ELN: variants seen among roughly 807,000 people sequenced by gnomAD.
ELN encodes tropoelastin.
ELN carries 65 observed loss-of-function variants against 105.8 expected under a neutral mutation model. The observed-to-expected ratio is 0.61, with a 90% CI of 0.50 to 0.75. ELN has a LOEUF of 0.75. Among genes scored for constraint, ELN ranks in the 30% least tolerant of loss-of-function variants. The probability of loss-of-function intolerance (pLI) is 0.00; values close to 1 mark genes in which losing one functional copy is unlikely to be tolerated. For missense variants in ELN, 882 were observed against 969.4 expected, an observed-to-expected ratio of 0.91 and a Z score of 1.20; for synonymous variants, 368 against 389.2, an observed-to-expected ratio of 0.95 and a Z score of 0.64.
chr7:74,063,058 T>A lies in ELN; in HGVS notation c.1787-95T>A. On this transcript the variant is annotated intron_variant, in intron 26 of 32. Coordinates refer to ENST00000252034, the MANE Select transcript of ELN (RefSeq NM_000501.4). This position sits in a 1 kb window ranked among gnomAD's most constrained non-coding sequence, Gnocchi z 4.1. ...TCCACTGCTCCTCCACAGTGTCACA[T>A]GGCCCCTGCCACCTGTCTGCTTGCC... The A allele has an allele frequency of 4.1e-6, 6 of 1,460,210 alleles. No homozygotes were observed. The highest frequency in any genetic ancestry group is 5.6e-6 in the Non-Finnish European group (6 of 1,070,276). 90.5% of individuals were successfully genotyped at this position (1,460,210 alleles called of 1,614,324 possible).
At chr7:74,041,103 C>A (rs1791096882) in intron 4 of ELN, 113 bp from the exon 5 acceptor site, 6 of 1,390,926 alleles carry the variant, frequency 4.3e-6, no homozygotes, top group Non-Finnish European at 4.1e-6. Flanking sequence ...GGCTTAGGGA[C>A]CAGCCTAGGG....
At chr7:74,055,654 A>G (rs1033131926) in intron 19 of ELN, among the ~76,000 whole-genome samples, 17 of 151,544 alleles carry the variant, frequency 1.1e-4, no homozygotes, top group African/African-American at 4.1e-4. Flanking sequence ...TAATTTTTGT[A>G]TTTTCAGTAG....
intron 25 of ELN, 156 bp downstream of exon 25, chr7:74,060,657 G>A: frequency 9.1e-6 from 14 of 1,544,838 alleles, no homozygotes; most frequent in Non-Finnish European, 1.2e-5. Context: ...ACAGATAGCG[G>A]GAGGAGGGCA....
At chr7:74,046,807 G>T in intron 12 of ELN, 40 bp downstream of exon 12, 4 of 1,608,674 alleles carry the variant, frequency 2.5e-6, no homozygotes, top group Non-Finnish European at 2.6e-6. Flanking sequence ...CACTCGGCCG[G>T]GTGTGGTGGT....
rs374253638 is a variant in ELN, at chr7:74,060,169, G to T, written c.1606G>T (p.Ala536Ser). 37 of 1,613,914 alleles carry T rather than the reference G, an allele frequency of 2.3e-5. 1 individual carries two copies. In the Middle Eastern group the frequency reaches 5.1e-3, roughly 222 times the overall value. Residue 536 changes from alanine to serine, a missense_variant, in exon 24 of 33, where the codon GCC becomes TCC. By Grantham distance (99) the Ala-to-Ser change is moderately conservative. Coordinates refer to ENST00000252034, the MANE Select transcript of ELN (RefSeq NM_000501.4). Reference sequence around the variant, plus strand: ...AGCAAAATCCGCTGCCAAGGTGGCTGCCAAAGCCCAGCTCCGTGAGTGCCT... The same window carrying T: ...AGCAAAATCCGCTGCCAAGGTGGCTTCCAAAGCCCAGCTCCGTGAGTGCCT... ...AAAKSAAKVA[A>S]KAQLRAAAGL...
intron 22 of ELN, among the ~76,000 whole-genome samples, chr7:74,058,145 TCTC>T (rs1429598005): frequency 2.7e-5 from 4 of 150,396 alleles, no homozygotes; most frequent in Non-Finnish European, 5.9e-5. Flanking sequence ...TTCCTCTTCT[TCTC>T]CTCCTGCTTC....
chr7:74,052,487 A>G, intron 17 of ELN: 1 of 203,046 alleles, frequency 4.9e-6, no homozygotes, highest in Non-Finnish European at 1.0e-5. Context: ...TGCAAGGCTG[A>G]GGTGAGAGGA....
chr7:74,037,385 G>T (rs573547172), intron 3 of ELN, among the ~76,000 whole-genome samples: 1 of 151,654 alleles, frequency 6.6e-6, no homozygotes, highest in African/African-American at 2.4e-5. Context: ...GTAGAGACAG[G>T]GTTTCACCAT....
chr7:74,039,470 A>T (rs1563773129), intron 4 of ELN, among the ~76,000 whole-genome samples: 1 of 152,212 alleles, frequency 6.6e-6, no homozygotes, highest in Non-Finnish European at 1.5e-5. Context: ...CCCAGGCAGG[A>T]TGGAATGGAG....
In ELN at chr7:74,068,563, G is replaced by T. The variant is rs1307595196; in HGVS notation, c.2132-94G>T. The T allele has an allele frequency of 1.5e-5, 23 of 1,511,998 alleles. No individual in the cohort carries two copies. In the South Asian group the frequency reaches 2.2e-4, roughly 14 times the overall value. 93.7% of individuals were successfully genotyped at this position (1,511,998 alleles called of 1,614,324 possible). A position where few individuals can be genotyped will look rare whatever the true frequency, so the allele number is the denominator to read the frequency against. ...ATGACTTGGCTTCTCTTGGCTTCTT[G>T]GAGCCTCCATTCGAGTGGGTCAGAG... On this transcript the variant is annotated intron_variant, in intron 32 of 32. Coordinates refer to ENST00000252034, the MANE Select transcript of ELN (RefSeq NM_000501.4).
At chr7:74,044,732 C>A (rs562263309) in intron 9 of ELN, among the ~76,000 whole-genome samples, 5 of 152,232 alleles carry the variant, frequency 3.3e-5, no homozygotes, top group Middle Eastern at 3.2e-3. Context: ...CTCTCTCCCC[C>A]ACTACGCTGA....
chr7:74,036,226 G>A (rs190167768), intron 2 of ELN, among the ~76,000 whole-genome samples: 132 of 151,994 alleles, frequency 8.7e-4, no homozygotes, highest in African/African-American at 3.0e-3. Context: ...CCCAGGAGGC[G>A]GAGCTTACAG....
intron 25 of ELN, 62 bp from the exon 26 acceptor site, chr7:74,061,039 G>A (rs957242164): frequency 3.6e-5 from 57 of 1,603,860 alleles, no homozygotes; most frequent in African/African-American, 2.4e-4. Flanking sequence ...TAGAGGAGGC[G>A]GCAGAACTCC....
intron 30 of ELN, 32 bp from the exon 31 acceptor site, chr7:74,065,912 G>A: frequency 6.2e-7 from 1 of 1,614,146 alleles, no homozygotes; most frequent in Non-Finnish European, 8.5e-7. Context: ...CGATGGGGGT[G>A]TCTTATCCTG....
At chr7:74,040,674 G>T (rs1036469004) in intron 4 of ELN, among the ~76,000 whole-genome samples, 1 of 152,138 alleles carries the variant, frequency 6.6e-6, no homozygotes, top group African/African-American at 2.4e-5. Context: ...GAGACGAAGC[G>T]ATTGGGCCCA....
Position 74,063,541 on chromosome 7 carries a change from G to A in ELN, c.1919-80G>A, listed in dbSNP as rs1797191756. 6.2e-7 allele frequency: 1 copy of A among 1,612,268 alleles called. No individual in the cohort carries two copies. The highest frequency in any genetic ancestry group is 8.5e-7 in the Non-Finnish European group (1 of 1,179,256). ...TCAGGCTCCACCTGTGTCCCCAGAG[G>A]ACACCTCCGCCCTCCACAGGCCGAG... On this transcript the variant is annotated intron_variant, in intron 28 of 32. Transcript: ENST00000252034. This position sits in a 1 kb window ranked among gnomAD's most constrained non-coding sequence, Gnocchi z 4.1.
Position 74,043,893 on chromosome 7 carries a change from G to A in ELN, c.442G>A (p.Gly148Ser). Residue 148 changes from glycine (G) to serine (S), a missense_variant, in exon 9 of 33, where the codon GGT (glycine) becomes AGT (serine). Gly to Ser is a moderately conservative substitution (Grantham distance 56). Coordinates refer to ENST00000252034, the MANE Select transcript of ELN (RefSeq NM_000501.4). ...PGKVPGVGLP[G>S]VYPGGVLPGA... is the part of the protein sequence containing the mutation. Reference sequence around the variant, plus strand: ...TTTGGCCACAGGTGTGGGGCTGCCAGGTGTATACCCAGGTGGCGTGCTCCC... The same window carrying A: ...TTTGGCCACAGGTGTGGGGCTGCCAAGTGTATACCCAGGTGGCGTGCTCCC... 1 of 1,614,108 alleles carries A rather than the reference G, an allele frequency of 6.2e-7. No homozygotes were observed. Among genetic ancestry groups the A allele is most frequent in the Non-Finnish European group, 8.5e-7 (1 of 1,179,998 alleles).
At chr7:74,037,800 A>T in intron 4 of ELN, 61 bp downstream of exon 4, 1 of 1,585,698 alleles carries the variant, frequency 6.3e-7, no homozygotes, top group Non-Finnish European at 8.6e-7. Flanking sequence ...GGAGGAGCCT[A>T]CCCAGCTGGG....
chr7:74,051,938 G>A lies in ELN; in HGVS notation c.904G>A (p.Ala302Thr). 1 of 1,612,678 alleles carries A rather than the reference G, an allele frequency of 6.2e-7. No homozygotes were observed. The change falls in exon 17 of 33, where the codon GCT (alanine) becomes ACT (threonine). Residue 302 changes from alanine to threonine, a missense_variant. Ala to Thr is a moderately conservative substitution (Grantham distance 58). Transcript: ENST00000252034. The part of the protein sequence containing the change: ...IGGIAGVGTP[A>T]AAAAAAAAAK... The stretch of plus-strand genomic sequence containing the variant: ...TGTGTTTTCAGGCGTTGGGACTCCA[G>A]CTGCAGCTGCAGCTGCAGCAGCAGC...
Sources: gnomAD v4.1 joint callset for allele counts (sites outside exome capture counted in the v4.1 genomes callset) on GRCh38, gnomAD v4.1.1 for gene constraint, Gnocchi (gnomAD v3.1) non-coding constraint, MANE v1.5 for transcripts, NCBI Gene and HGNC (gene_info 2026-07-23, HGNC 2026-07-21) for gene names.